PRKN: variants seen among roughly 807,000 people sequenced by gnomAD.
PRKN encodes the protein parkin RBR E3 ubiquitin protein ligase, also known as E3 ubiquitin-protein ligase parkin.
A neutral mutation model predicts 59.5 loss-of-function variants in PRKN; 56 were observed. The ratio of observed to expected loss-of-function variants is 0.94; its 90% CI spans 0.76 to 1.18. The LOEUF (loss-of-function observed/expected upper bound fraction) is 1.18. Ranked by LOEUF, PRKN falls within the 50% of genes most tolerant of loss-of-function variation. PRKN has a pLI of 0.00. For synonymous variants in PRKN, 250 were observed against 222.1 expected (o/e 1.13, Z -1.12); for missense variants, 657 against 596.4 (o/e 1.10, Z -1.06).
intron 2 of PRKN, among the ~76,000 whole-genome samples, chr6:162,314,166 G>T (rs907748990): frequency 6.6e-5 from 10 of 152,082 alleles, no homozygotes; most frequent in Non-Finnish European, 1.0e-4. Flanking sequence ...CCCCAAGAAT[G>T]CTGCCAGACA....
chr6:162,227,124 C>T (rs528502598), intron 3 of PRKN, among the ~76,000 whole-genome samples: 8 of 152,286 alleles, frequency 5.3e-5, no homozygotes, highest in African/African-American at 1.7e-4. Flanking sequence ...TCCTAGTATA[C>T]GTATGGGACT....
At chr6:161,452,559 C>A (rs1398909930) in intron 9 of PRKN, among the ~76,000 whole-genome samples, 1 of 152,058 alleles carries the variant, frequency 6.6e-6, no homozygotes, top group African/African-American at 2.4e-5. Context: ...TTTTTTAATT[C>A]TTTAAAACAT....
chr6:162,247,471 C>T (rs192838560), intron 3 of PRKN, among the ~76,000 whole-genome samples: 98 of 152,070 alleles, frequency 6.4e-4, no homozygotes, highest in African/African-American at 2.2e-3. Flanking sequence ...ACACCTATGT[C>T]TGAAAAGAAG....
chr6:161,594,160 C>A (rs577145267), intron 7 of PRKN, among the ~76,000 whole-genome samples: 1 of 152,006 alleles, frequency 6.6e-6, no homozygotes, highest in African/African-American at 2.4e-5. Flanking sequence ...AAGACTCCGT[C>A]TCAAAAAAAC....
intron 2 of PRKN, among the ~76,000 whole-genome samples, chr6:162,429,995 T>C (rs1789431270): frequency 1.3e-5 from 2 of 152,140 alleles, no homozygotes; most frequent in African/African-American, 4.8e-5. Flanking sequence ...CATCTTTTAT[T>C]TTATAATATC....
intron 9 of PRKN, among the ~76,000 whole-genome samples, chr6:161,478,328 T>C (rs1791221109): frequency 6.6e-6 from 1 of 152,178 alleles, no homozygotes. Flanking sequence ...CTCTTTACAG[T>C]ATGATTTCCA....
At chr6:162,315,738 G>A (rs538894969) in intron 2 of PRKN, among the ~76,000 whole-genome samples, 9 of 152,226 alleles carry the variant, frequency 5.9e-5, no homozygotes, top group African/African-American at 2.2e-4. Context: ...AAAAATAGAA[G>A]GGGCAGGATA....
intron 7 of PRKN, among the ~76,000 whole-genome samples, chr6:161,715,302 A>G (rs1456628774): frequency 6.6e-6 from 1 of 152,166 alleles, no homozygotes; most frequent in Non-Finnish European, 1.5e-5. Flanking sequence ...GGAAGACTCA[A>G]CAGAAAAAAT....
chr6:161,413,038 A>C lies in PRKN; in HGVS notation c.1084-26161T>G, dbSNP rs1026783275. Among the ~76,000 whole-genome samples the C allele has an allele frequency of 1.3e-5, 2 of 152,206 alleles. No individual in the cohort carries two copies. The highest frequency in any genetic ancestry group is 2.9e-5 in the Non-Finnish European group (2 of 68,030). On this transcript the variant is annotated intron_variant, in intron 9 of 11. Coordinates refer to ENST00000366898, the MANE Select transcript of PRKN (RefSeq NM_004562.3). This position sits in a 1 kb window ranked among gnomAD's most constrained non-coding sequence, Gnocchi z 4.4. ...TCTTGCCTGCCTTCCTGACTGCTGG[A>C]CTAGAATCTCGCAGGGATTGAGCTT...
At chr6:162,094,502 G>GTAATTAAT (rs761222034) in intron 4 of PRKN, among the ~76,000 whole-genome samples, 2 of 151,932 alleles carry the variant, frequency 1.3e-5, no homozygotes, top group African/African-American at 2.4e-5. Context: ...AACAAATAAA[G>GTAATTAAT]TAATTAATTA....
rs769300817 is a variant in PRKN, at chr6:161,545,061, A to C, written c.1083+3793T>G. The C allele has an allele frequency of 1.3e-6, 1 of 796,506 alleles. No homozygotes were observed. The highest frequency in any genetic ancestry group is 1.6e-6 in the Non-Finnish European group (1 of 613,674). 49.3% of individuals were successfully genotyped at this position (796,506 alleles called of 1,614,324 possible). A position where few individuals can be genotyped will look rare whatever the true frequency, so the allele number is the denominator to read the frequency against. On this transcript the variant is annotated intron_variant, in intron 9 of 11. Transcript: ENST00000366898. The surrounding 1 kb of genome is among the most constrained non-coding windows in gnomAD (Gnocchi z 4.1). ...AGAATCCTCTGGAGCCCAGAGCTCAACACATGGGTGTCTAGCTCCGAACAA... is the reference window on the plus strand; with the variant it reads ...AGAATCCTCTGGAGCCCAGAGCTCACCACATGGGTGTCTAGCTCCGAACAA...
chr6:162,725,544 G>C (rs1378054928), intron 1 of PRKN, among the ~76,000 whole-genome samples: 1 of 152,114 alleles, frequency 6.6e-6, no homozygotes. Flanking sequence ...AGGATTGCTT[G>C]AGCCCAGGAG....
intron 4 of PRKN, among the ~76,000 whole-genome samples, chr6:162,093,865 G>A (rs575114811): frequency 2.6e-5 from 4 of 152,254 alleles, no homozygotes; most frequent in African/African-American, 9.6e-5. Context: ...ACCTCACCTC[G>A]TGCTGAGCAC....
intron 4 of PRKN, among the ~76,000 whole-genome samples, chr6:162,125,727 G>A (rs186842336): frequency 3.9e-5 from 6 of 152,244 alleles, no homozygotes; most frequent in African/African-American, 1.4e-4. Context: ...ACCTGGTAGA[G>A]CTGGTGGCAA....
At chr6:161,741,662 G>C (rs1032251027) in intron 7 of PRKN, among the ~76,000 whole-genome samples, 4 of 152,058 alleles carry the variant, frequency 2.6e-5, no homozygotes, top group Non-Finnish European at 5.9e-5. Context: ...GGTTCAAACT[G>C]GTCTGGGGTG....
chr6:161,849,532 T>G (rs1003433199), intron 6 of PRKN, among the ~76,000 whole-genome samples: 2 of 152,190 alleles, frequency 1.3e-5, no homozygotes, highest in Non-Finnish European at 2.9e-5. Flanking sequence ...AGTTAAGCCC[T>G]GCCCCCACCT....
intron 3 of PRKN, among the ~76,000 whole-genome samples, chr6:162,247,522 A>T (rs1229417050): frequency 6.6e-6 from 1 of 151,884 alleles, no homozygotes; most frequent in Admixed American, 6.6e-5. Flanking sequence ...TGATTGGCTT[A>T]TTTGTGAGAT....
intron 1 of PRKN, among the ~76,000 whole-genome samples, chr6:162,498,336 GTCTA>G (rs1221324964): frequency 5.5e-5 from 7 of 128,374 alleles, no homozygotes; most frequent in African/African-American, 2.1e-4. Context: ...AACATTTGAT[GTCTA>G]TCTAGTCTAC....
chr6:162,566,978 A>T (rs2128207596), intron 1 of PRKN, among the ~76,000 whole-genome samples: 1 of 152,352 alleles, frequency 6.6e-6, no homozygotes, highest in South Asian at 2.1e-4. Context: ...AATCAATGTG[A>T]TACATCATAT....
Sources: allele counts gnomAD v4.1 joint callset (sites outside exome capture counted in the v4.1 genomes callset), GRCh38; gene constraint gnomAD v4.1.1; non-coding constraint Gnocchi (gnomAD v3.1); transcripts MANE v1.5; gene names NCBI Gene and HGNC (gene_info 2026-07-23, HGNC 2026-07-21).